Variants in UTRN observed in about 807,000 individuals in gnomAD.
The protein encoded by UTRN is utrophin.
UTRN carries 283 observed loss-of-function variants against 463.9 expected under a neutral mutation model. That is an observed-to-expected ratio of 0.61 (90% confidence interval 0.55 to 0.67). UTRN has a LOEUF of 0.67. Among genes scored for constraint, UTRN ranks in the 30% least tolerant of loss-of-function variants. The probability of loss-of-function intolerance (pLI) is 0.00; values close to 1 mark genes in which losing one functional copy is unlikely to be tolerated. For synonymous variants in UTRN, 1,442 were observed against 1,431.5 expected, an observed-to-expected ratio of 1.01 and a Z score of -0.17; for missense variants, 3,922 against 4,084.3, an observed-to-expected ratio of 0.96 and a Z score of 1.08.
intron 30 of UTRN, among the ~76,000 whole-genome samples, chr6:144,489,836 G>A (rs1792875711): frequency 6.6e-6 from 1 of 151,304 alleles, no homozygotes; most frequent in African/African-American, 2.4e-5. Flanking sequence ...TGGCCAGGCT[G>A]GTCTTGAACT....
intron 8 of UTRN, 27 bp from the exon 9 acceptor site, chr6:144,429,554 C>G (rs1173800782): frequency 1.3e-6 from 2 of 1,579,268 alleles, no homozygotes; most frequent in South Asian, 1.2e-5. Flanking sequence ...CTAATTTAAG[C>G]TGGTTCTTAT....
chr6:144,544,448 G>A (rs1030442705), intron 46 of UTRN, among the ~76,000 whole-genome samples: 2 of 151,894 alleles, frequency 1.3e-5, no homozygotes, highest in East Asian at 1.9e-4. Flanking sequence ...GGCAACCACC[G>A]ATCTGCATTC....
Position 144,846,833 on chromosome 6 carries a change from A to G in UTRN, c.10293+6A>G. ...ATGTTCCCAGCAGGCCACAGGTAAG[A>G]GTTAATGGCTTGGTTGGCTCTATGT... On this transcript the variant is annotated splice_donor_region_variant and intron_variant, in intron 74 of 74. Transcript: ENST00000367545. 6.2e-7 allele frequency: 1 copy of G among 1,614,046 alleles called. No individual in the cohort carries two copies. The highest frequency in any genetic ancestry group is 1.1e-5 in the South Asian group (1 of 91,082).
chr6:144,412,730 GTGTGTGTATATATATATATA>G (rs1784011169), intron 3 of UTRN, among the ~76,000 whole-genome samples: 1 of 126,288 alleles, frequency 7.9e-6, no homozygotes, highest in African/African-American at 3.7e-5. Context: ...TTGTGTGTGT[GTGTGTGTATATATATATATA>G]TACACACACC....
rs564571387 is a variant in UTRN at position 144,844,346 on chromosome 6, A to G, written c.10271-2459A>G. Among the ~76,000 whole-genome samples, 196 of 150,914 alleles carry G rather than the reference A, an allele frequency of 1.3e-3. 1 individual carries two copies. Among genetic ancestry groups the G allele is most frequent in the African/African-American group, 4.5e-3 (184 of 41,010 alleles). ...TTCAATGGCACGATCTCAGGTCTGT[A>G]TAACCTCCACCTCCCAGGCTCAAGC... On this transcript the variant is annotated intron_variant, in intron 73 of 74. Transcript: ENST00000367545.
chr6:144,623,099 G>A (rs927865134), intron 51 of UTRN, among the ~76,000 whole-genome samples: 1 of 152,348 alleles, frequency 6.6e-6, no homozygotes, highest in African/African-American at 2.4e-5. Context: ...ATCAGCCTAA[G>A]TAGTAGCTCT....
intron 6 of UTRN, among the ~76,000 whole-genome samples, chr6:144,425,187 C>T (rs1785185196): frequency 6.6e-6 from 1 of 152,184 alleles, no homozygotes; most frequent in African/African-American, 2.4e-5. Flanking sequence ...TGTAGAATGT[C>T]TCTCTCAGTG....
At chr6:144,576,233 T>C (rs1429930118) in intron 50 of UTRN, among the ~76,000 whole-genome samples, 3 of 152,202 alleles carry the variant, frequency 2.0e-5, no homozygotes, top group African/African-American at 7.2e-5. Flanking sequence ...CAAGTTTTTC[T>C]GTGGAAATAT....
At chr6:144,687,620 G>T (rs557056236) in intron 52 of UTRN, among the ~76,000 whole-genome samples, 6 of 152,096 alleles carry the variant, frequency 3.9e-5, no homozygotes, top group Admixed American at 3.3e-4. Context: ...ATTCTTGGCT[G>T]ACGGTTTTTT....
chr6:144,724,266 T>C (rs984601127), intron 53 of UTRN, among the ~76,000 whole-genome samples: 1 of 140,642 alleles, frequency 7.1e-6, no homozygotes, highest in African/African-American at 2.7e-5. Flanking sequence ...TCTCGCTCTG[T>C]CACCCAGCCT....
chr6:144,516,565 TAG>T (rs1795627710), intron 38 of UTRN, among the ~76,000 whole-genome samples, 178 bp downstream of exon 38: 2 of 152,174 alleles, frequency 1.3e-5, no homozygotes, highest in South Asian at 2.1e-4. Context: ...AAAAAGAAAA[TAG>T]ACTCAGTTTC....
At chr6:144,474,366 A>G (rs1790973372) in intron 24 of UTRN, among the ~76,000 whole-genome samples, 1 of 152,050 alleles carries the variant, frequency 6.6e-6, no homozygotes, top group Non-Finnish European at 1.5e-5. Flanking sequence ...TCTCTACATT[A>G]ATTAAAAGGC....
At position 144,299,835 on chromosome 6, in the gene UTRN, A is replaced by AG. The variant is rs567362812; in HGVS notation, c.79+7935dup. Reference sequence around the variant, plus strand: ...CCTCTATGCTAGTTTTCTTATCTTAAGGGGGGGTGGTTAGAGAAATGTATT... The same window carrying AG: ...CCTCTATGCTAGTTTTCTTATCTTAAGGGGGGGGTGGTTAGAGAAATGTATT... On this transcript the variant is annotated intron_variant, in intron 2 of 74. Transcript: ENST00000367545. Among the ~76,000 whole-genome samples, 548 of 152,196 alleles carry AG rather than the reference A, an allele frequency of 3.6e-3. 3 individuals carry two copies. The highest frequency in any genetic ancestry group is 5.2e-3 in the Non-Finnish European group (355 of 68,014).
chr6:144,551,166 C>CACAA (rs1388601722), intron 48 of UTRN, 84 bp downstream of exon 48: 4 of 777,980 alleles, frequency 5.1e-6, no homozygotes, highest in Non-Finnish European at 3.9e-6. Context: ...CACACACACA[C>CACAA]ACAAACACAT....
At chr6:144,645,635 A>C (rs1585755881) in intron 51 of UTRN, among the ~76,000 whole-genome samples, 1 of 152,244 alleles carries the variant, frequency 6.6e-6, no homozygotes, top group East Asian at 1.9e-4. Context: ...AATCTGAAAA[A>C]ATAAAAGGAT....
chr6:144,412,033 G>A (rs900405110), intron 3 of UTRN, among the ~76,000 whole-genome samples: 1 of 152,138 alleles, frequency 6.6e-6, no homozygotes, highest in Non-Finnish European at 1.5e-5. Context: ...TCTGTGGAAA[G>A]CAATGCTGTG....
At chr6:144,452,391 C>G (rs966739479) in intron 18 of UTRN, among the ~76,000 whole-genome samples, 8 of 151,934 alleles carry the variant, frequency 5.3e-5, no homozygotes, top group Non-Finnish European at 1.2e-4. Flanking sequence ...ATATGGGTTG[C>G]TCAGAAGTTG....
At chr6:144,312,287 G>A (rs983013299) in intron 2 of UTRN, among the ~76,000 whole-genome samples, 2 of 152,106 alleles carry the variant, frequency 1.3e-5, no homozygotes, top group African/African-American at 4.8e-5. Context: ...TAGCCGGCCT[G>A]ATGGCAGGCG....
At position 144,793,928 on chromosome 6, in the gene UTRN, A is replaced by C. The variant is rs746317460; in HGVS notation, c.9015A>C (p.Leu3005=). The C allele has an allele frequency of 6.2e-7, 1 of 1,614,148 alleles. No homozygotes were observed. Among genetic ancestry groups the C allele is most frequent in the East Asian group, 2.2e-5 (1 of 44,870 alleles). Residue 3005 remains leucine, a synonymous_variant, in exon 63 of 75, where the codon CTA becomes CTC. Transcript: ENST00000367545. ...ATGCCATCCAGATCCCCCGGCAGCT[A>C]GGTGAAGTAGCAGCTTTTGGAGGCA... The part of the protein sequence containing the change: ...LHDAIQIPRQ[L]GEVAAFGGSN...
Sources: allele counts gnomAD v4.1 joint callset (sites outside exome capture counted in the v4.1 genomes callset), GRCh38; gene constraint gnomAD v4.1.1; transcripts MANE v1.5; gene names NCBI Gene and HGNC (gene_info 2026-07-23, HGNC 2026-07-21).